The following PDS5A variants were observed in gnomAD, a reference collection of about 807,000 sequenced individuals.
PDS5A encodes sister chromatid cohesion protein PDS5 homolog A.
A neutral mutation model predicts 167.1 loss-of-function variants in PDS5A; 42 were observed. The ratio of observed to expected loss-of-function variants is 0.25; its 90% CI spans 0.20 to 0.33. The LOEUF (loss-of-function observed/expected upper bound fraction) is 0.33. Ranked by LOEUF, PDS5A falls within the 10% of genes least tolerant of loss-of-function variation. The pLI, the probability that PDS5A is intolerant of heterozygous loss-of-function variation, is 1.00. For synonymous variants in PDS5A, 553 were observed against 554.6 expected (o/e 1.00, Z 0.04); for missense variants, 1,033 against 1,605.9 (o/e 0.64, Z 6.10).
Position 39,951,898 on chromosome 4 carries a change from C to CAAAAAAAAAAAAAAA in PDS5A, c.139-23749_139-23735dup, listed in dbSNP as rs1161911794. Among the ~76,000 whole-genome samples the CAAAAAAAAAAAAAAA allele has an allele frequency of 1.2e-4, 8 of 68,820 alleles. 1 individual carries two copies. Among genetic ancestry groups the CAAAAAAAAAAAAAAA allele is most frequent in the East Asian group, 5.1e-4 (1 of 1,952 alleles). 45.1% of individuals were successfully genotyped at this position (68,820 alleles called of 152,430 possible). A position where few individuals can be genotyped will look rare whatever the true frequency, so the allele number is the denominator to read the frequency against. ...CTGGGTGACAGAGCAGAGTCTGTCT[C>CAAAAAAAAAAAAAAA]AAAAAAAAAAAAAAAAAAAAAATCT... On this transcript the variant is annotated intron_variant, in intron 2 of 32. Transcript: ENST00000303538.
intron 9 of PDS5A, among the ~76,000 whole-genome samples, chr4:39,910,990 C>T (rs1230790069): frequency 6.6e-6 from 1 of 152,044 alleles, no homozygotes; most frequent in Non-Finnish European, 1.5e-5. Flanking sequence ...AAAAATCAGC[C>T]GGGCGTGGAG....
intron 17 of PDS5A, among the ~76,000 whole-genome samples, chr4:39,886,036 C>A (rs192172119): frequency 4.6e-4 from 70 of 152,308 alleles, no homozygotes; most frequent in Non-Finnish European, 9.1e-4. Flanking sequence ...TTTCATTCTT[C>A]TGCTAATCAG....
intron 2 of PDS5A, among the ~76,000 whole-genome samples, chr4:39,935,884 T>C (rs1726548102): frequency 6.6e-6 from 1 of 152,226 alleles, no homozygotes; most frequent in African/African-American, 2.4e-5. Context: ...CTTAAGAATT[T>C]ACTGAAAACA....
intron 2 of PDS5A, among the ~76,000 whole-genome samples, chr4:39,930,215 CAAAAAAAAAA>C (rs764983592): frequency 9.7e-4 from 34 of 35,090 alleles, no homozygotes; most frequent in East Asian, 9.4e-3. Flanking sequence ...GACTCCATCT[CAAAAAAAAAA>C]AAAAAAAAAA....
At chr4:39,888,655 A>C (rs377748793) in intron 17 of PDS5A, among the ~76,000 whole-genome samples, 1 of 151,328 alleles carries the variant, frequency 6.6e-6, no homozygotes, top group African/African-American at 2.4e-5. Flanking sequence ...ATGCAAATGG[A>C]GCTCATTATG....
At chr4:39,876,733 C>A (rs1236248565) in intron 19 of PDS5A, among the ~76,000 whole-genome samples, 1 of 152,162 alleles carries the variant, frequency 6.6e-6, no homozygotes, top group East Asian at 1.9e-4. Flanking sequence ...TCTGTGATAA[C>A]TTTTGATTCT....
chr4:39,881,255 T>A (rs1158493929), intron 17 of PDS5A, among the ~76,000 whole-genome samples: 1 of 152,150 alleles, frequency 6.6e-6, no homozygotes, highest in Admixed American at 6.5e-5. Flanking sequence ...AATGCTGCAA[T>A]AATAATGAGT....
intron 2 of PDS5A, among the ~76,000 whole-genome samples, chr4:39,946,777 G>C (rs1300690873): frequency 1.3e-5 from 2 of 151,838 alleles, no homozygotes; most frequent in African/African-American, 4.8e-5. Context: ...TCAGTCAGGC[G>C]TGGCGGGCAC....
At chr4:39,892,093 C>G (rs111479426) in intron 16 of PDS5A, among the ~76,000 whole-genome samples, 25 of 151,264 alleles carry the variant, frequency 1.7e-4, no homozygotes, top group Non-Finnish European at 3.1e-4. Context: ...GACTCTGTCT[C>G]AAAACAAAAA....
Position 39,824,796 on chromosome 4 carries a change from GT to G in PDS5A, c.*688del, listed in dbSNP as rs1174559347. On this transcript the variant is annotated 3_prime_UTR_variant, in exon 33 of 33. Transcript: ENST00000303538. ...ATGAGGGGAAATCAAAATATGAACT[GT>G]TTACTACTTGCAAATCAATAATTTT... 4 of 152,470 alleles carry G rather than the reference GT, an allele frequency of 2.6e-5. No individual in the cohort carries two copies. Among genetic ancestry groups the G allele is most frequent in the African/African-American group, 9.7e-5 (4 of 41,418 alleles). The allele number at this position is 152,470 out of a possible 1,614,324, so 9.4% of individuals were successfully genotyped here.
At chr4:39,905,756 A>G (rs1723278751) in intron 11 of PDS5A, among the ~76,000 whole-genome samples, 1 of 152,060 alleles carries the variant, frequency 6.6e-6, no homozygotes, top group South Asian at 2.1e-4. Flanking sequence ...ACACCATAAA[A>G]TAAGACTCAA....
At chr4:39,963,723 T>C (rs1425810764) in intron 2 of PDS5A, among the ~76,000 whole-genome samples, 4 of 151,344 alleles carry the variant, frequency 2.6e-5, no homozygotes, top group African/African-American at 9.7e-5. Flanking sequence ...TCTCAGCTAC[T>C]GGGGAGCCTG....
chr4:39,848,569 C>A, intron 28 of PDS5A: 1 of 334,970 alleles, frequency 3.0e-6, no homozygotes, highest in Non-Finnish European at 5.5e-6. Context: ...TGCAAAAATA[C>A]TACCCATGTT....
intron 9 of PDS5A, among the ~76,000 whole-genome samples, chr4:39,912,755 T>C (rs1036791998): frequency 1.3e-5 from 2 of 152,216 alleles, no homozygotes; most frequent in Non-Finnish European, 2.9e-5. Context: ...AGAAATTTAA[T>C]GAATTTCATA....
At chr4:39,930,274 T>TTAA (rs1725939033) in intron 2 of PDS5A, among the ~76,000 whole-genome samples, 16 of 143,624 alleles carry the variant, frequency 1.1e-4, no homozygotes, top group African/African-American at 1.5e-4. Context: ...TTTTTTTTTT[T>TTAA]AAGAGACAGG....
chr4:39,854,935 AT>A (rs1020572615), intron 26 of PDS5A, among the ~76,000 whole-genome samples: 1 of 152,154 alleles, frequency 6.6e-6, no homozygotes, highest in South Asian at 2.1e-4. Context: ...TTCATTTTCA[AT>A]TTTTTCTTAC....
In PDS5A at chr4:39,962,635, C is replaced by T. The variant is rs191069310; in HGVS notation, c.138+13805G>A. On this transcript the variant is annotated intron_variant, in intron 2 of 32. Transcript: ENST00000303538. The stretch of plus-strand genomic sequence containing the variant: ...CCTGGCCAACATGGTGAAACCCCGT[C>T]TCTACTAAAAATACAAAAATTAGCC... Among the ~76,000 whole-genome samples the T allele has an allele frequency of 4.0e-3, 609 of 151,878 alleles. 4 individuals carry two copies. The highest frequency in any genetic ancestry group is 0.014 in the African/African-American group (590 of 41,456).
intron 18 of PDS5A, 39 bp downstream of exon 18, chr4:39,879,689 C>A: frequency 8.2e-7 from 1 of 1,215,344 alleles, no homozygotes; most frequent in Non-Finnish European, 1.2e-6. Flanking sequence ...AATTATGACC[C>A]CACGGAAATA....
chr4:39,964,190 A>C (rs12503572), intron 2 of PDS5A, among the ~76,000 whole-genome samples: 34,062 of 152,184 alleles, frequency 0.22, 4,804 homozygotes, highest in Middle Eastern at 0.34. Flanking sequence ...TGTTTACAGT[A>C]GGGTAGTACA....
Sources: gnomAD v4.1 joint callset for allele counts (sites outside exome capture counted in the v4.1 genomes callset) on GRCh38, gnomAD v4.1.1 for gene constraint, MANE v1.5 for transcripts, NCBI Gene and HGNC (gene_info 2026-07-23, HGNC 2026-07-21) for gene names.